PTPRG: variants seen among roughly 807,000 people sequenced by gnomAD.
PTPRG encodes the protein protein tyrosine phosphatase receptor type G.
In PTPRG, 102 loss-of-function variants were observed where a neutral mutation model predicts 165.3. The ratio of observed to expected loss-of-function variants is 0.62; its 90% CI spans 0.53 to 0.73. The LOEUF is 0.73. Among genes scored for constraint, PTPRG ranks in the 30% least tolerant of loss-of-function variants. PTPRG has a pLI of 0.00. For missense variants in PTPRG, 1,866 were observed against 1,861.4 expected (o/e 1.00, Z -0.05); for synonymous variants, 675 against 669.5 (o/e 1.01, Z -0.13).
chr3:61,668,622 A>G (rs558519445), intron 1 of PTPRG, among the ~76,000 whole-genome samples: 1 of 152,306 alleles, frequency 6.6e-6, no homozygotes, highest in South Asian at 2.1e-4. Context: ...AATTTTACAA[A>G]AAGTATTAGA....
intron 1 of PTPRG, among the ~76,000 whole-genome samples, chr3:61,611,413 C>G (rs901011100): frequency 1.3e-5 from 2 of 152,180 alleles, no homozygotes; most frequent in African/African-American, 4.8e-5. Context: ...TCAATGTTAA[C>G]TACCATCTTG....
intron 4 of PTPRG, among the ~76,000 whole-genome samples, chr3:62,005,910 C>T (rs964277909): frequency 6.6e-6 from 1 of 151,910 alleles, no homozygotes; most frequent in African/African-American, 2.4e-5. Flanking sequence ...ACCATGTTCG[C>T]CAGGCTGGTC....
intron 2 of PTPRG, among the ~76,000 whole-genome samples, chr3:61,840,199 T>A (rs191484595): frequency 6.6e-6 from 1 of 152,294 alleles, no homozygotes. Context: ...GTGACTTTAT[T>A]GATATGATTT....
At chr3:62,291,205 G>GTGTT (rs1270138887) in intron 28 of PTPRG, among the ~76,000 whole-genome samples, 3 of 152,134 alleles carry the variant, frequency 2.0e-5, no homozygotes, top group African/African-American at 7.2e-5. Context: ...ATTGGCAAAA[G>GTGTT]TGTTTCAAGT....
chr3:61,629,010 T>C (rs1701692854), intron 1 of PTPRG, among the ~76,000 whole-genome samples: 1 of 152,164 alleles, frequency 6.6e-6, no homozygotes, highest in Admixed American at 6.5e-5. Context: ...ACGTCTGCCA[T>C]GCATTTTCAC....
intron 2 of PTPRG, among the ~76,000 whole-genome samples, chr3:61,805,452 A>G (rs2035384025): frequency 6.6e-6 from 1 of 152,130 alleles, no homozygotes; most frequent in Non-Finnish European, 1.5e-5. Context: ...CTGCCAAAGC[A>G]AAAGCCATGC....
At chr3:61,887,846 C>T (rs1559670709) in intron 2 of PTPRG, among the ~76,000 whole-genome samples, 1 of 152,038 alleles carries the variant, frequency 6.6e-6, no homozygotes, top group Non-Finnish European at 1.5e-5. Flanking sequence ...ATCTATATTG[C>T]TGAGGTCACA....
At chr3:61,869,703 C>T (rs1007892333) in intron 2 of PTPRG, among the ~76,000 whole-genome samples, 4 of 152,062 alleles carry the variant, frequency 2.6e-5, no homozygotes, top group South Asian at 2.1e-4. Context: ...CTCAGCCTCC[C>T]GAGTATCTGG....
At position 61,717,337 on chromosome 3, in the gene PTPRG, G is replaced by T. The variant is rs143363000; in HGVS notation, c.86-31541G>T. Among the ~76,000 whole-genome samples the T allele has an allele frequency of 1.0e-3, 153 of 152,278 alleles. 1 individual carries two copies. Among genetic ancestry groups the T allele is most frequent in the African/African-American group, 3.4e-3 (143 of 41,566 alleles). On this transcript the variant is annotated intron_variant, in intron 1 of 29. Coordinates refer to ENST00000474889, the MANE Select transcript of PTPRG (RefSeq NM_002841.4). ...TTGTTATTATTCCCATTTTACAGATGAGGAAACTAAGGACTGAGTTTTTAT... is the reference window on the plus strand; with the variant it reads ...TTGTTATTATTCCCATTTTACAGATTAGGAAACTAAGGACTGAGTTTTTAT...
At position 61,748,826 on chromosome 3, in the gene PTPRG, G is replaced by A; in HGVS notation, c.86-52G>A. ...ATGGTGTTCATTTGACACCCTTCCT[G>A]TATCCAGTGGGGTGCTGCCTTTGTC... On this transcript the variant is annotated intron_variant, in intron 1 of 29. Transcript: ENST00000474889. 2.7e-6 allele frequency: 4 copies of A among 1,462,114 alleles called. No individual in the cohort carries two copies. The South Asian group carries it at 4.6e-5, about 17-fold the overall frequency. 90.6% of individuals were successfully genotyped at this position (1,462,114 alleles called of 1,614,324 possible). A position where few individuals can be genotyped will look rare whatever the true frequency, so the allele number is the denominator to read the frequency against.
At chr3:62,276,229 A>T (rs1396790756) in intron 24 of PTPRG, among the ~76,000 whole-genome samples, 1 of 152,162 alleles carries the variant, frequency 6.6e-6, no homozygotes, top group African/African-American at 2.4e-5. Flanking sequence ...GGTGGTTGTC[A>T]GTGTCAGCAA....
chr3:62,092,447 A>G (rs1559495925), intron 5 of PTPRG, among the ~76,000 whole-genome samples: 2 of 150,334 alleles, frequency 1.3e-5, no homozygotes, highest in South Asian at 2.1e-4. Flanking sequence ...CTGAAAAAAA[A>G]AAAAAAAAAA....
At chr3:61,585,683 G>A (rs184597642) in intron 1 of PTPRG, among the ~76,000 whole-genome samples, 10 of 152,208 alleles carry the variant, frequency 6.6e-5, no homozygotes, top group Admixed American at 2.6e-4. Flanking sequence ...GGAGGCAAAG[G>A]TTGCAGGGAG....
intron 2 of PTPRG, among the ~76,000 whole-genome samples, chr3:61,839,101 G>A (rs1252124929): frequency 2.0e-5 from 3 of 152,038 alleles, no homozygotes; most frequent in Non-Finnish European, 2.9e-5. Flanking sequence ...AAACCAACAA[G>A]GCATATATCC....
intron 1 of PTPRG, among the ~76,000 whole-genome samples, chr3:61,596,186 C>G (rs529782912): frequency 6.6e-6 from 1 of 152,156 alleles, no homozygotes; most frequent in African/African-American, 2.4e-5. Context: ...CTTAGGTTAA[C>G]GTAGAAATTT....
At chr3:61,781,031 T>G (rs1249281377) in intron 2 of PTPRG, among the ~76,000 whole-genome samples, 1 of 152,252 alleles carries the variant, frequency 6.6e-6, no homozygotes, top group Non-Finnish European at 1.5e-5. Flanking sequence ...TGGGTCTCTT[T>G]AGTTATCTTA....
chr3:61,955,118 T>C (rs2040001354), intron 2 of PTPRG, among the ~76,000 whole-genome samples: 1 of 152,184 alleles, frequency 6.6e-6, no homozygotes, highest in Non-Finnish European at 1.5e-5. Flanking sequence ...GAAAACATGA[T>C]GGATAAGAAT....
chr3:61,657,710 A>G (rs1702545868), intron 1 of PTPRG, among the ~76,000 whole-genome samples: 1 of 152,180 alleles, frequency 6.6e-6, no homozygotes, highest in Non-Finnish European at 1.5e-5. Context: ...AATGAAACCA[A>G]TTGATGATAA....
At chr3:61,579,240 T>A (rs1404990980) in intron 1 of PTPRG, among the ~76,000 whole-genome samples, 1 of 152,086 alleles carries the variant, frequency 6.6e-6, no homozygotes, top group Non-Finnish European at 1.5e-5. Flanking sequence ...TTCTAGGGAG[T>A]GCTGTGATCA....
Sources: allele counts gnomAD v4.1 joint callset (sites outside exome capture counted in the v4.1 genomes callset), GRCh38; gene constraint gnomAD v4.1.1; transcripts MANE v1.5; gene names NCBI Gene and HGNC (gene_info 2026-07-23, HGNC 2026-07-21).